PSMB7: variants seen among roughly 807,000 people sequenced by gnomAD.
PSMB7 encodes the protein proteasome subunit beta type-7.
Under a neutral mutation model 28.1 loss-of-function variants are expected in PSMB7, and 5 were observed. The ratio of observed to expected loss-of-function variants is 0.18; its 90% CI spans 0.09 to 0.37. The LOEUF (loss-of-function observed/expected upper bound fraction) is 0.37, where lower values mean the gene tolerates loss of function less well. PSMB7 is among the 10% of genes least tolerant of loss of function. PSMB7 has a pLI of 1.00. For missense variants in PSMB7, 275 were observed against 346.2 expected, an observed-to-expected ratio of 0.79 and a Z score of 1.63; for synonymous variants, 122 against 123.7, an observed-to-expected ratio of 0.99 and a Z score of 0.09.
At position 124,391,020 on chromosome 9, in the gene PSMB7, A is replaced by T. The variant is rs147101893; in HGVS notation, c.512-6364T>A. On this transcript the variant is annotated intron_variant, in intron 5 of 7. Coordinates refer to ENST00000259457, the MANE Select transcript of PSMB7 (RefSeq NM_002799.4). ...TTAGGACCGTCTTAGAGGTACAATC[A>T]TCTTAATAATGAAGTCCTCTGAGCG... Among the ~76,000 whole-genome samples the T allele has an allele frequency of 4.1e-4, 62 of 152,344 alleles. No homozygotes were observed. The East Asian group carries it at 0.011, about 28-fold the overall frequency.
chr9:124,394,785 C>T (rs991482555), intron 5 of PSMB7, among the ~76,000 whole-genome samples: 2 of 152,142 alleles, frequency 1.3e-5, no homozygotes, highest in Non-Finnish European at 2.9e-5. Context: ...CCTGATATCA[C>T]GGCACCATCT....
intron 5 of PSMB7, among the ~76,000 whole-genome samples, chr9:124,391,860 A>T (rs1830791479): frequency 6.6e-6 from 1 of 152,210 alleles, no homozygotes; most frequent in African/African-American, 2.4e-5. Flanking sequence ...AGAGTTCACT[A>T]AAATACTCAA....
At chr9:124,400,101 G>A (rs1830884644) in intron 5 of PSMB7, among the ~76,000 whole-genome samples, 1 of 152,002 alleles carries the variant, frequency 6.6e-6, no homozygotes, top group Non-Finnish European at 1.5e-5. Context: ...TGGGTCCCTT[G>A]CCCCACCCCC....
rs145783749 is a variant in PSMB7, at chr9:124,388,019, C to T, written c.512-3363G>A. 1.7e-3 allele frequency among the ~76,000 whole-genome samples: 262 copies of T among 152,300 alleles called. 1 individual carries two copies. Among genetic ancestry groups the T allele is most frequent in the Admixed American group, 7.8e-3 (119 of 15,302 alleles). Reference sequence around the variant, plus strand: ...TCACCAGTCAAATGCCATTCTACTACAGCCACCATGTGACCTGTAAAACAT... The same window carrying T: ...TCACCAGTCAAATGCCATTCTACTATAGCCACCATGTGACCTGTAAAACAT... On this transcript the variant is annotated intron_variant, in intron 5 of 7. Transcript: ENST00000259457.
At chr9:124,366,579 A>G (rs1002248733) in intron 6 of PSMB7, among the ~76,000 whole-genome samples, 8 of 152,240 alleles carry the variant, frequency 5.3e-5, no homozygotes, top group Non-Finnish European at 1.2e-4. Flanking sequence ...AATTTAGTGT[A>G]GCCTAAGTGT....
chr9:124,360,481 C>T (rs1234829021), intron 6 of PSMB7, among the ~76,000 whole-genome samples: 2 of 152,256 alleles, frequency 1.3e-5, no homozygotes, highest in African/African-American at 4.8e-5. Flanking sequence ...GCGATGCTCT[C>T]TCCCACAGCC....
In PSMB7 at chr9:124,356,900, T is replaced by A. The variant is rs1352975983; in HGVS notation, c.586A>T (p.Asn196Tyr). Residue 196 changes from asparagine to tyrosine, a missense_variant, in exon 7 of 8, where the codon AAT becomes TAT. Around this residue, in one of 2 missense-constraint regions of PSMB7, gnomAD observed 213 missense variants for 302.4 expected, o/e 0.70. Transcript: ENST00000259457. This position sits in a 1 kb window ranked among gnomAD's most constrained non-coding sequence, Gnocchi z 4.4. ...RPDMEEEEAKNLVSEAIAAGI... is the reference protein window; with the variant it reads ...RPDMEEEEAKYLVSEAIAAGI... The stretch of plus-strand genomic sequence containing the variant: ...GCTGCGATGGCTTCGCTCACCAGAT[T>A]CTTGGCTTCCTCCTCCTGAGAAACA... 4.3e-6 allele frequency: 7 copies of A among 1,614,170 alleles called. No individual in the cohort carries two copies. Among genetic ancestry groups the A allele is most frequent in the Non-Finnish European group, 5.9e-6 (7 of 1,180,022 alleles).
At chr9:124,402,617 G>A (rs757802634) in intron 5 of PSMB7, among the ~76,000 whole-genome samples, 8 of 152,114 alleles carry the variant, frequency 5.3e-5, no homozygotes, top group Admixed American at 1.3e-4. Flanking sequence ...GTGTCAAAAT[G>A]CTAACAACTG....
At position 124,356,767 on chromosome 9, in the gene PSMB7, G is replaced by T. The variant is rs1194833095; in HGVS notation, c.719C>A (p.Thr240Asn). Reference protein sequence around the residue: ...RPYTVPNKKGTRLGRYRCEKG... With the variant: ...RPYTVPNKKGNRLGRYRCEKG... ...GAACTTCGTCTCCTTCACTCACCTG[G>T]TCCCCTTCTTGTTGGGCACTGTGTA... is the stretch of plus-strand genomic sequence containing the variant. The change falls in exon 7 of 8, where the codon ACC becomes AAC. Residue 240 changes from threonine (T) to asparagine (N), a missense_variant. Physicochemically the swap from Thr to Asn is moderately conservative, Grantham distance 65. Transcript: ENST00000259457. This position sits in a 1 kb window ranked among gnomAD's most constrained non-coding sequence, Gnocchi z 4.4. 1 of 1,612,364 alleles carries T rather than the reference G, an allele frequency of 6.2e-7. No homozygotes were observed. The highest frequency in any genetic ancestry group is 1.3e-5 in the African/African-American group (1 of 74,994).
intron 6 of PSMB7, among the ~76,000 whole-genome samples, chr9:124,372,922 A>C (rs146161202): frequency 1.3e-5 from 2 of 152,370 alleles, no homozygotes; most frequent in Non-Finnish European, 2.9e-5. Context: ...CTCTTGAATC[A>C]GGTGAAAGAC....
chr9:124,362,278 G>A (rs569469767), intron 6 of PSMB7, among the ~76,000 whole-genome samples: 3 of 152,294 alleles, frequency 2.0e-5, no homozygotes, highest in Non-Finnish European at 4.4e-5. Context: ...CTGGCCTAGG[G>A]GGCAGAAAAC....
In PSMB7 at chr9:124,407,603, T is replaced by C. The variant is rs946363627; in HGVS notation, c.396-2171A>G. Among the ~76,000 whole-genome samples the C allele has an allele frequency of 2.6e-5, 4 of 152,240 alleles. No homozygotes were observed. The South Asian group carries it at 8.3e-4, about 31-fold the overall frequency. The stretch of plus-strand genomic sequence containing the variant: ...TTGCCTTCTAAGCTAAAATATCAAC[T>C]GTTAGATGCCTTTAAAATAATCAAG... On this transcript the variant is annotated intron_variant, in intron 4 of 7. Coordinates refer to ENST00000259457, the MANE Select transcript of PSMB7 (RefSeq NM_002799.4).
chr9:124,406,861 C>G (rs756363121), intron 4 of PSMB7, among the ~76,000 whole-genome samples: 42 of 152,120 alleles, frequency 2.8e-4, no homozygotes, highest in Middle Eastern at 3.4e-3. Flanking sequence ...CATTAGGAGG[C>G]CAATGTTACT....
chr9:124,412,588 A>G, intron 3 of PSMB7, 96 bp from the exon 4 acceptor site: 1 of 1,311,356 alleles, frequency 7.6e-7, no homozygotes, highest in Non-Finnish European at 1.1e-6. Context: ...AAGTTCAGGT[A>G]CAGAGAGATG....
chr9:124,408,766 T>C (rs1830993769), intron 4 of PSMB7, among the ~76,000 whole-genome samples: 1 of 152,176 alleles, frequency 6.6e-6, no homozygotes, highest in Admixed American at 6.5e-5. Context: ...ACAAAAGGTA[T>C]GAAAAAACAG....
intron 6 of PSMB7, among the ~76,000 whole-genome samples, chr9:124,365,498 G>A (rs751067184): frequency 2.6e-5 from 4 of 152,240 alleles, no homozygotes; most frequent in Non-Finnish European, 4.4e-5. Flanking sequence ...TATACAGACA[G>A]CCCACCCTTT....
intron 6 of PSMB7, among the ~76,000 whole-genome samples, chr9:124,375,840 G>C (rs951624361): frequency 6.6e-6 from 1 of 152,202 alleles, no homozygotes; most frequent in Non-Finnish European, 1.5e-5. Flanking sequence ...TGTCTGCTGT[G>C]TGGGTTCCGC....
At position 124,413,153 on chromosome 9, in the gene PSMB7, C is replaced by CAA. The variant is rs61132576; in HGVS notation, c.255-663_255-662dup. On this transcript the variant is annotated intron_variant, in intron 3 of 7. Coordinates refer to ENST00000259457, the MANE Select transcript of PSMB7 (RefSeq NM_002799.4). ...CAACATAGTGTGACCGCATCTCTCC[C>CAA]AAAAAAAAAAAAAAAAAAAAAAGAA... 8.9e-3 allele frequency among the ~76,000 whole-genome samples: 417 copies of CAA among 46,846 alleles called. 7 individuals are homozygous for CAA. Among genetic ancestry groups the CAA allele is most frequent in the African/African-American group, 0.027 (281 of 10,584 alleles). The allele number at this position is 46,846 out of a possible 152,430, so 30.7% of individuals were successfully genotyped here.
chr9:124,355,428 T>C (rs1187768152), intron 7 of PSMB7, among the ~76,000 whole-genome samples: 2 of 152,232 alleles, frequency 1.3e-5, no homozygotes, highest in Admixed American at 6.5e-5. Flanking sequence ...CACTTCTCAC[T>C]GGCCCAGACG....
Sources: allele counts gnomAD v4.1 joint callset (sites outside exome capture counted in the v4.1 genomes callset), GRCh38; gene constraint gnomAD v4.1.1; regional missense constraint gnomAD v4.1.1; non-coding constraint Gnocchi (gnomAD v3.1); transcripts MANE v1.5; gene names NCBI Gene and HGNC (gene_info 2026-07-23, HGNC 2026-07-21).